The following CHAT variants were observed in gnomAD, a reference collection of about 807,000 sequenced individuals.
The protein encoded by CHAT is choline O-acetyltransferase, also known as acetyl CoA:choline O-acetyltransferase.
Under a neutral mutation model 76.9 loss-of-function variants are expected in CHAT, and 61 were observed. The observed-to-expected ratio is 0.79, with a 90% CI of 0.65 to 0.98. The LOEUF (loss-of-function observed/expected upper bound fraction) is 0.98, where lower values mean the gene tolerates loss of function less well. Among genes scored for constraint, CHAT ranks in the 50% least tolerant of loss-of-function variants. CHAT has a pLI of 0.00. For missense variants in CHAT, 946 were observed against 986.9 expected (o/e 0.96, Z 0.56); for synonymous variants, 407 against 397.4 (o/e 1.02, Z -0.29).
At chr10:49,613,954 T>G (rs983206346), upstream of CHAT, 4 of 673,286 alleles carry the variant, frequency 5.9e-6, no homozygotes, top group South Asian at 1.9e-5. Flanking sequence ...GAGCAGAGAC[T>G]TCCTCAGACC....
At chr10:49,613,581 G>A (rs1027741416), upstream of CHAT, among the ~76,000 whole-genome samples, 1 of 152,200 alleles carries the variant, frequency 6.6e-6, no homozygotes, top group Non-Finnish European at 1.5e-5. Context: ...GCTGTTGTGC[G>A]CATGTCTGTC....
intron 14 of CHAT, 103 bp from the exon 15 acceptor site, chr10:49,664,674 A>T: frequency 2.2e-6 from 3 of 1,359,922 alleles, no homozygotes; most frequent in Non-Finnish European, 3.2e-6. Flanking sequence ...TGATTTGGTT[A>T]ATTCAGTCAA....
At chr10:49,645,380 C>A (rs1839624624) in intron 7 of CHAT, among the ~76,000 whole-genome samples, 1 of 152,176 alleles carries the variant, frequency 6.6e-6, no homozygotes, top group Non-Finnish European at 1.5e-5. Flanking sequence ...TGAAGTGACT[C>A]CTTGGAATTT....
chr10:49,619,693 GAGGCACAATGCCTA>G lies in CHAT; in HGVS notation c.388-31_388-18del, dbSNP rs766017715. On this transcript the variant is annotated intron_variant, in intron 2 of 14. Transcript: ENST00000337653. Reference sequence around the variant, plus strand: ...GGACAGGCATGGGGCGCACATACTAGAGGCACAATGCCTATGAACCCTTTCTTCCAGGGGCTGCC... The same window carrying G: ...GGACAGGCATGGGGCGCACATACTAGTGAACCCTTTCTTCCAGGGGCTGCC... 302 of 1,599,620 alleles carry G rather than the reference GAGGCACAATGCCTA, an allele frequency of 1.9e-4. No individual in the cohort carries two copies. The African/African-American group carries it at 3.7e-3, about 20-fold the overall frequency.
chr10:49,622,584 C>T (rs994986338), intron 5 of CHAT, among the ~76,000 whole-genome samples: 3 of 152,162 alleles, frequency 2.0e-5, no homozygotes, highest in Non-Finnish European at 4.4e-5. Context: ...GCTGTTCTGA[C>T]AGATGGAGAG....
intron 6 of CHAT, 144 bp from the exon 7 acceptor site, chr10:49,627,464 C>A: frequency 1.2e-6 from 1 of 854,652 alleles, no homozygotes; most frequent in African/African-American, 1.7e-5. Flanking sequence ...TGGCTTGGTC[C>A]CTAAACTGAG....
intron 9 of CHAT, among the ~76,000 whole-genome samples, chr10:49,648,857 G>A (rs568143524): frequency 4.6e-5 from 7 of 152,276 alleles, no homozygotes; most frequent in Admixed American, 4.6e-4. Context: ...AGCATGGCAA[G>A]GAATTCTCAG....
At chr10:49,635,086 C>T (rs902021897) in intron 7 of CHAT, among the ~76,000 whole-genome samples, 1 of 152,314 alleles carries the variant, frequency 6.6e-6, no homozygotes, top group Non-Finnish European at 1.5e-5. Flanking sequence ...TAACCACACC[C>T]ACCTCACCCC....
rs781091153 is a variant in CHAT, at chr10:49,627,600, C to T, written c.934-8C>T. On this transcript the variant is annotated splice_polypyrimidine_tract_variant and splice_region_variant and intron_variant, in intron 6 of 14. Transcript: ENST00000337653. ...ACAAGTGACATGTTTGACCTGTTTA[C>T]CCCACAGTTCTTTGTCTTGGATGTT... The T allele has an allele frequency of 9.9e-6, 16 of 1,614,044 alleles. No homozygotes were observed. The South Asian group carries it at 1.2e-4, about 12-fold the overall frequency.
At chr10:49,627,998 G>A (rs908420779) in intron 7 of CHAT, among the ~76,000 whole-genome samples, 2 of 152,082 alleles carry the variant, frequency 1.3e-5, no homozygotes, top group Non-Finnish European at 1.5e-5. Context: ...GGCTTTCTTG[G>A]TGGGACTAAC....
At chr10:49,650,725 G>A (rs1839850068) in intron 10 of CHAT, among the ~76,000 whole-genome samples, 1 of 152,184 alleles carries the variant, frequency 6.6e-6, no homozygotes, top group African/African-American at 2.4e-5. Flanking sequence ...TGTGGGAAGG[G>A]CACATGTGAG....
intron 9 of CHAT, among the ~76,000 whole-genome samples, chr10:49,649,098 C>T (rs936244588): frequency 6.6e-6 from 1 of 152,172 alleles, no homozygotes; most frequent in Non-Finnish European, 1.5e-5. Context: ...GAATCTTCTC[C>T]CTGCATCCAA....
chr10:49,649,576 G>A lies in CHAT; in HGVS notation c.1451G>A (p.Arg484Gln), dbSNP rs771901229. Reference sequence around the variant, plus strand: ...GAGCTCCCCGCCCCCCGGAGGCTGCGGTGGAAATGCTCCCCGGAAATTCAA... The same window carrying A: ...GAGCTCCCCGCCCCCCGGAGGCTGCAGTGGAAATGCTCCCCGGAAATTCAA... ...VSELPAPRRLRWKCSPEIQGH... is the reference protein window; with the variant it reads ...VSELPAPRRLQWKCSPEIQGH... Residue 484 changes from arginine (R) to glutamine (Q), a missense_variant, in exon 10 of 15, where the codon CGG becomes CAG. Arg to Gln is a conservative substitution (Grantham distance 43). This residue lies in a region of CHAT where 349 missense variants were observed against 393.9 expected (regional missense o/e 0.89). Transcript: ENST00000337653. 6.5e-5 allele frequency: 105 copies of A among 1,613,758 alleles called. 1 individual carries two copies. The East Asian group carries it at 2.0e-3, about 31-fold the overall frequency.
chr10:49,638,396 C>A (rs944292361), intron 7 of CHAT, among the ~76,000 whole-genome samples: 2 of 152,184 alleles, frequency 1.3e-5, no homozygotes, highest in African/African-American at 4.8e-5. Flanking sequence ...TTCCATCAAT[C>A]TCTGTCTTCT....
At chr10:49,649,866 A>ATTT (rs59979541) in intron 10 of CHAT, among the ~76,000 whole-genome samples, 3 of 117,814 alleles carry the variant, frequency 2.5e-5, no homozygotes, top group East Asian at 5.8e-4. Flanking sequence ...ACGCAGGGCT[A>ATTT]TTTTTTTTTT....
chr10:49,667,294 C>T lies in CHAT; in HGVS notation c.*2248C>T, dbSNP rs1398799521. 6.6e-6 allele frequency among the ~76,000 whole-genome samples: 1 copy of T among 152,098 alleles called. No homozygotes were observed. Among genetic ancestry groups the T allele is most frequent in the Admixed American group, 6.5e-5 (1 of 15,270 alleles). Reference sequence around the variant, plus strand: ...GGCAGGGAGGCTTCATGGGGCCTACCTTTGGGATGACATTACCCCAGTGGG... The same window carrying T: ...GGCAGGGAGGCTTCATGGGGCCTACTTTTGGGATGACATTACCCCAGTGGG... On this transcript the variant is annotated 3_prime_UTR_variant, in exon 15 of 15. Coordinates refer to ENST00000337653, the MANE Select transcript of CHAT (RefSeq NM_020549.5).
At chr10:49,653,404 G>A (rs1839940075) in intron 11 of CHAT, among the ~76,000 whole-genome samples, 1 of 146,836 alleles carries the variant, frequency 6.8e-6, no homozygotes, top group Non-Finnish European at 1.5e-5. Context: ...TGCCTGCTAT[G>A]AACGGTAAAG....
At position 49,644,362 on chromosome 10, in the gene CHAT, T is replaced by C. The variant is rs531933700; in HGVS notation, c.1112-2143T>C. Reference sequence around the variant, plus strand: ...AATTTGGATTCTCCCTTGTGGGCGGTAGAAGCTGTTTCAAGTTCTAAGAGG... The same window carrying C: ...AATTTGGATTCTCCCTTGTGGGCGGCAGAAGCTGTTTCAAGTTCTAAGAGG... On this transcript the variant is annotated intron_variant, in intron 7 of 14. Coordinates refer to ENST00000337653, the MANE Select transcript of CHAT (RefSeq NM_020549.5). Among the ~76,000 whole-genome samples the C allele has an allele frequency of 1.4e-3, 213 of 152,262 alleles. 2 individuals carry two copies. Among genetic ancestry groups the C allele is most frequent in the African/African-American group, 5.0e-3 (207 of 41,544 alleles).
At chr10:49,627,849 C>T (rs1169757846) in intron 7 of CHAT, 64 bp downstream of exon 7, 3 of 1,557,324 alleles carry the variant, frequency 1.9e-6, no homozygotes, top group Non-Finnish European at 1.7e-6. Context: ...GGCTTTCCCT[C>T]CTCTAGGGTT....
Sources: allele counts gnomAD v4.1 joint callset (sites outside exome capture counted in the v4.1 genomes callset), GRCh38; gene constraint gnomAD v4.1.1; regional missense constraint gnomAD v4.1.1; transcripts MANE v1.5; gene names NCBI Gene and HGNC (gene_info 2026-07-23, HGNC 2026-07-21).